SEM1: variants seen among roughly 807,000 people sequenced by gnomAD.
SEM1 encodes 26S proteasome complex subunit SEM1.
In SEM1, 3 loss-of-function variants were observed where a neutral mutation model predicts 12.7. The observed-to-expected ratio is 0.24, with a 90% CI of 0.11 to 0.61. The LOEUF is 0.61. Ranked by LOEUF, SEM1 falls within the 20% of genes least tolerant of loss-of-function variation. The pLI, the probability that SEM1 is intolerant of heterozygous loss-of-function variation, is 0.88. For missense variants in SEM1, 59 were observed against 81.3 expected (o/e 0.73, Z 1.06); for synonymous variants, 30 against 27.8 (o/e 1.08, Z -0.25).
chr7:96,522,223 T>C (rs1804297829), intron 2 of SEM1, among the ~76,000 whole-genome samples: 1 of 152,132 alleles, frequency 6.6e-6, no homozygotes, highest in Non-Finnish European at 1.5e-5. Context: ...TTCAGGCACA[T>C]GCTCTATGTT....
chr7:96,622,159 C>T (rs1807914420), downstream of SEM1: 1 of 155,246 alleles, frequency 6.4e-6, no homozygotes, highest in Non-Finnish European at 1.4e-5. Context: ...GTTTCCTTAT[C>T]TTTATGAGAA....
intron 2 of SEM1, among the ~76,000 whole-genome samples, chr7:96,580,126 C>T (rs550209375): frequency 0.029 from 3,673 of 126,492 alleles, 71 homozygotes; most frequent in Non-Finnish European, 0.045. Flanking sequence ...CCCCTCCCCC[C>T]ACCCCACAAC....
chr7:96,603,473 A>C (rs926568801), intron 2 of SEM1, among the ~76,000 whole-genome samples: 2 of 152,184 alleles, frequency 1.3e-5, no homozygotes, highest in East Asian at 1.9e-4. Context: ...CCACCTGCTC[A>C]TTGAGAGAGA....
intron 1 of SEM1, among the ~76,000 whole-genome samples, chr7:96,495,353 G>T (rs1220675052): frequency 6.6e-6 from 1 of 152,060 alleles, no homozygotes; most frequent in African/African-American, 2.4e-5. Flanking sequence ...CTGCTCTTAG[G>T]TGAGTCAAAT....
intron 2 of SEM1, among the ~76,000 whole-genome samples, chr7:96,510,737 T>C (rs1438837832): frequency 6.6e-6 from 1 of 152,180 alleles, no homozygotes; most frequent in African/African-American, 2.4e-5. Context: ...AGTCTGCTTT[T>C]GAAGTTGATG....
At position 96,600,398 on chromosome 7, in the gene SEM1, A is replaced by C. The variant is rs187238911; in HGVS notation, c.171-93700T>G. On this transcript the variant is annotated intron_variant and NMD_transcript_variant, in intron 2 of 3. Transcript: ENST00000466986. Reference sequence around the variant, plus strand: ...AAAGTGATTTAGCAGAAGGGGAGGAACCAAACTTTCTAGAATGAGTTAGCA... The same window carrying C: ...AAAGTGATTTAGCAGAAGGGGAGGACCCAAACTTTCTAGAATGAGTTAGCA... Among the ~76,000 whole-genome samples the C allele has an allele frequency of 4.9e-4, 74 of 152,320 alleles. No homozygotes were observed. In the East Asian group the frequency reaches 9.8e-3, roughly 20 times the overall value.
chr7:96,585,710 G>A (rs1452090586), intron 2 of SEM1, among the ~76,000 whole-genome samples: 5 of 150,240 alleles, frequency 3.3e-5, no homozygotes, highest in African/African-American at 1.2e-4. Flanking sequence ...GCAGTATTCG[G>A]GTGGGAGTGA....
At chr7:96,596,209 C>T (rs562820694) in intron 2 of SEM1, among the ~76,000 whole-genome samples, 228 of 152,296 alleles carry the variant, frequency 1.5e-3, no homozygotes, top group South Asian at 5.8e-3. Flanking sequence ...TGATAACTGG[C>T]GGATTCTTAA....
At chr7:96,600,292 A>C (rs1042615936) in intron 2 of SEM1, among the ~76,000 whole-genome samples, 2 of 152,120 alleles carry the variant, frequency 1.3e-5, no homozygotes, top group Admixed American at 6.6e-5. Context: ...TTTTGGAGAG[A>C]AATGTTTGAG....
chr7:96,658,093 A>G (rs1809240339), intron 2 of SEM1, among the ~76,000 whole-genome samples: 1 of 152,208 alleles, frequency 6.6e-6, no homozygotes, highest in Non-Finnish European at 1.5e-5. Context: ...CAAATCAATT[A>G]TGACACTCAA....
At chr7:96,686,625 A>T (rs779851978), downstream of SEM1, among the ~76,000 whole-genome samples, 96 of 152,206 alleles carry the variant, frequency 6.3e-4, no homozygotes, top group Non-Finnish European at 1.1e-3. Context: ...CTTACCTTAT[A>T]CAAAAATTAA....
chr7:96,568,254 T>G (rs1253550406), intron 2 of SEM1, among the ~76,000 whole-genome samples: 1 of 151,754 alleles, frequency 6.6e-6, no homozygotes, highest in Admixed American at 6.6e-5. Flanking sequence ...TTTAGATTTT[T>G]AAAATCCATA....
intron 2 of SEM1, among the ~76,000 whole-genome samples, chr7:96,639,186 C>T (rs1328095332): frequency 6.6e-6 from 1 of 151,926 alleles, no homozygotes; most frequent in Non-Finnish European, 1.5e-5. Flanking sequence ...CATTATTCAA[C>T]TTTGTTCACA....
intron 2 of SEM1, among the ~76,000 whole-genome samples, chr7:96,587,122 C>A (rs1806664535): frequency 6.6e-6 from 1 of 151,932 alleles, no homozygotes; most frequent in African/African-American, 2.4e-5. Flanking sequence ...GTGAGAACAC[C>A]AATATTAAAC....
chr7:96,556,685 C>A, intron 2 of SEM1, among the ~76,000 whole-genome samples: 1 of 116,432 alleles, frequency 8.6e-6, no homozygotes, highest in Non-Finnish European at 1.9e-5. Flanking sequence ...TCGCTCTTCT[C>A]GAGGAGTATC....
intron 2 of SEM1, among the ~76,000 whole-genome samples, chr7:96,515,374 C>A (rs534310829): frequency 2.0e-5 from 3 of 152,110 alleles, no homozygotes; most frequent in Non-Finnish European, 2.9e-5. Flanking sequence ...ATTCAGGAAA[C>A]AACAAATGCT....
At chr7:96,634,597 T>G (rs893175717) in intron 2 of SEM1, among the ~76,000 whole-genome samples, 1 of 148,332 alleles carries the variant, frequency 6.7e-6, no homozygotes, top group Non-Finnish European at 1.5e-5. Flanking sequence ...ATAAGATATG[T>G]ATATAATATA....
chr7:96,704,012 T>C (rs3138817), intron 1 of SEM1, among the ~76,000 whole-genome samples: 4,005 of 85,284 alleles, frequency 0.047, 137 homozygotes, highest in African/African-American at 0.13. Context: ...CACACACACA[T>C]ACATAAAAGA....
At chr7:96,684,102 C>A (rs1789695318), downstream of SEM1, among the ~76,000 whole-genome samples, 1 of 152,068 alleles carries the variant, frequency 6.6e-6, no homozygotes, top group Non-Finnish European at 1.5e-5. Flanking sequence ...TCAATGACAT[C>A]ATCAAAGAAT....
Sources: allele counts gnomAD v4.1 joint callset (sites outside exome capture counted in the v4.1 genomes callset), GRCh38; gene constraint gnomAD v4.1.1; transcripts MANE v1.5; gene names NCBI Gene and HGNC (gene_info 2026-07-23, HGNC 2026-07-21).